The following DCC variants were observed in gnomAD, a reference collection of about 807,000 sequenced individuals.
DCC encodes the protein netrin receptor DCC.
Under a neutral mutation model 172.5 loss-of-function variants are expected in DCC, and 58 were observed. That is an observed-to-expected ratio of 0.34 (90% CI 0.27 to 0.42). DCC has a LOEUF of 0.42. DCC is among the 10% of genes least tolerant of loss of function. The pLI, the probability that DCC is intolerant of heterozygous loss-of-function variation, is 1.00. For missense variants in DCC, 1,740 were observed against 1,791.0 expected (o/e 0.97, Z 0.51); for synonymous variants, 709 against 644.5 (o/e 1.10, Z -1.52).
At chr18:52,737,963 C>T (rs1300694819) in intron 1 of DCC, among the ~76,000 whole-genome samples, 1 of 152,142 alleles carries the variant, frequency 6.6e-6, no homozygotes, top group African/African-American at 2.4e-5. Flanking sequence ...CATCAGACTA[C>T]AGCCCAAAGG....
At chr18:52,881,049 A>G (rs114771710) in intron 2 of DCC, among the ~76,000 whole-genome samples, 2,299 of 152,204 alleles carry the variant, frequency 0.015, 42 homozygotes, top group African/African-American at 0.038. Flanking sequence ...GATAAAAGCC[A>G]TTTTAACTGA....
chr18:52,475,529 TG>T (rs1181573957), intron 1 of DCC, among the ~76,000 whole-genome samples: 1 of 151,920 alleles, frequency 6.6e-6, no homozygotes, highest in Non-Finnish European at 1.5e-5. Context: ...TCTTTTTCTA[TG>T]GGGGTGGGGG....
intron 2 of DCC, among the ~76,000 whole-genome samples, chr18:52,900,412 C>T (rs17480209): frequency 1.3e-5 from 2 of 152,166 alleles, no homozygotes; most frequent in Admixed American, 6.6e-5. Flanking sequence ...CAAGGTGAGA[C>T]CCATTTCTCT....
intron 1 of DCC, among the ~76,000 whole-genome samples, chr18:52,410,893 C>A (rs1170626727): frequency 6.6e-6 from 1 of 151,988 alleles, no homozygotes; most frequent in Non-Finnish European, 1.5e-5. Flanking sequence ...AATACAGTGA[C>A]TTTTTATAGA....
At chr18:52,927,208 T>C (rs1450515185) in intron 5 of DCC, among the ~76,000 whole-genome samples, 1 of 119,824 alleles carries the variant, frequency 8.3e-6, no homozygotes, top group Non-Finnish European at 1.8e-5. Context: ...GGTGTATATG[T>C]ACATATACAC....
intron 17 of DCC, among the ~76,000 whole-genome samples, chr18:53,392,507 C>T (rs1399877506): frequency 2.0e-5 from 3 of 152,236 alleles, no homozygotes; most frequent in Middle Eastern, 3.4e-3. Flanking sequence ...TCTTTAAGAG[C>T]TCCTCAGAGA....
chr18:52,798,500 G>A (rs1272590827), intron 2 of DCC, among the ~76,000 whole-genome samples: 1 of 151,106 alleles, frequency 6.6e-6, no homozygotes, highest in Non-Finnish European at 1.5e-5. Context: ...CACTGCACCT[G>A]GCCCCCTGCA....
intron 5 of DCC, among the ~76,000 whole-genome samples, chr18:53,030,279 T>G (rs2042010009): frequency 6.6e-6 from 1 of 152,170 alleles, no homozygotes; most frequent in Admixed American, 6.6e-5. Context: ...AGGAGATATA[T>G]GCACACATTG....
chr18:52,945,421 G>A (rs555603591), intron 5 of DCC, among the ~76,000 whole-genome samples: 166 of 152,196 alleles, frequency 1.1e-3, no homozygotes, highest in African/African-American at 3.6e-3. Context: ...TTGCATAGTC[G>A]TTAGAGGAAA....
chr18:53,504,492 T>C lies in DCC; in HGVS notation c.4111+4982T>C, dbSNP rs1254845447. ...AAAATTACACTACATCTAAGTTTCATCTCATGTGAAAGCTATCGGTGTGGC... is the reference window on the plus strand; with the variant it reads ...AAAATTACACTACATCTAAGTTTCACCTCATGTGAAAGCTATCGGTGTGGC... On this transcript the variant is annotated intron_variant, in intron 27 of 28. Coordinates refer to ENST00000442544, the MANE Select transcript of DCC (RefSeq NM_005215.4). Among the ~76,000 whole-genome samples the C allele has an allele frequency of 2.6e-5, 4 of 152,202 alleles. No homozygotes were observed. In the East Asian group the frequency reaches 7.7e-4, roughly 29 times the overall value.
intron 12 of DCC, among the ~76,000 whole-genome samples, chr18:53,259,842 G>T (rs1292602400): frequency 6.6e-6 from 1 of 152,068 alleles, no homozygotes; most frequent in Non-Finnish European, 1.5e-5. Context: ...TCACTTTCAG[G>T]TACACCAATC....
chr18:53,230,047 GTA>G (rs2056099342), intron 12 of DCC, among the ~76,000 whole-genome samples: 1 of 152,016 alleles, frequency 6.6e-6, no homozygotes, highest in Admixed American at 6.6e-5. Context: ...TATAATCTGT[GTA>G]TAAGTATCTC....
At chr18:52,681,169 A>G (rs1387806156) in intron 1 of DCC, among the ~76,000 whole-genome samples, 1 of 152,102 alleles carries the variant, frequency 6.6e-6, no homozygotes. Flanking sequence ...GCAGAAGTCT[A>G]GACAAGTCAA....
intron 1 of DCC, among the ~76,000 whole-genome samples, chr18:52,427,760 C>G (rs933896079): frequency 2.6e-5 from 4 of 151,960 alleles, no homozygotes; most frequent in African/African-American, 9.7e-5. Context: ...AAGTTCAGTG[C>G]CTTCTTCCTC....
intron 15 of DCC, among the ~76,000 whole-genome samples, chr18:53,354,061 T>C (rs1224313652): frequency 3.3e-5 from 5 of 152,176 alleles, no homozygotes; most frequent in African/African-American, 1.2e-4. Flanking sequence ...TGGTTTCCAG[T>C]TTCATCCATG....
chr18:53,225,553 A>G (rs1263879832), intron 12 of DCC, among the ~76,000 whole-genome samples: 17 of 152,174 alleles, frequency 1.1e-4, no homozygotes, highest in Admixed American at 7.9e-4. Context: ...GGATGCTGAT[A>G]TATTAGTCAA....
At chr18:52,543,323 T>G (rs1019113763) in intron 1 of DCC, among the ~76,000 whole-genome samples, 1 of 152,102 alleles carries the variant, frequency 6.6e-6, no homozygotes, top group Non-Finnish European at 1.5e-5. Flanking sequence ...TAATAAGAAG[T>G]TTTTACATTT....
Position 52,340,851 on chromosome 18 carries a change from T to C in DCC, c.64T>C (p.Leu22=), listed in dbSNP as rs752784027. 10 of 1,613,962 alleles carry C rather than the reference T, an allele frequency of 6.2e-6. No individual in the cohort carries two copies. Among genetic ancestry groups the C allele is most frequent in the Non-Finnish European group, 8.5e-6 (10 of 1,179,960 alleles). ...GGCTTTTGTACTCTTCGGAGCTTCC[T>C]TGTTCAGCGCGCATCTTCAAGTAAC... is the stretch of plus-strand genomic sequence containing the variant. ...KLAFVLFGAS[L]FSAHLQVTGF... The change falls in exon 1 of 29, where the codon TTG becomes CTG. Residue 22 remains leucine, a synonymous_variant. Transcript: ENST00000442544.
At chr18:53,351,399 G>T (rs60076533) in intron 15 of DCC, among the ~76,000 whole-genome samples, 1 of 24,086 alleles carries the variant, frequency 4.2e-5, no homozygotes, top group Non-Finnish European at 7.1e-5. Context: ...TATATATACA[G>T]TGTATATATA....
Sources: gnomAD v4.1 joint callset for allele counts (sites outside exome capture counted in the v4.1 genomes callset) on GRCh38, gnomAD v4.1.1 for gene constraint, MANE v1.5 for transcripts, NCBI Gene and HGNC (gene_info 2026-07-23, HGNC 2026-07-21) for gene names.